TBC1D25: variants seen among roughly 807,000 people sequenced by gnomAD.
The protein encoded by TBC1D25 is TBC1 domain family member 25.
In TBC1D25, 13 loss-of-function variants were observed where a neutral mutation model predicts 38.8. The ratio of observed to expected loss-of-function variants is 0.34; its 90% CI spans 0.22 to 0.53. The LOEUF (loss-of-function observed/expected upper bound fraction) is 0.53, where lower values mean the gene tolerates loss of function less well. Ranked by LOEUF, TBC1D25 falls within the 20% of genes least tolerant of loss-of-function variation. The pLI, the probability that TBC1D25 is intolerant of heterozygous loss-of-function variation, is 0.94. For missense variants in TBC1D25, 372 were observed against 600.0 expected (o/e 0.62, Z 3.97); for synonymous variants, 225 against 255.6 (o/e 0.88, Z 1.14).
intron 3 of TBC1D25, among the ~76,000 whole-genome samples, chrX:48,554,597 G>C (rs1451976920): frequency 9.2e-6 from 1 of 108,414 alleles, no homozygotes; most frequent in African/African-American, 3.3e-5. Flanking sequence ...TTGGTGGGGG[G>C]CCTGTTGTGT....
intron 3 of TBC1D25, among the ~76,000 whole-genome samples, chrX:48,552,880 C>G (rs1206341152): frequency 5.5e-5 from 6 of 109,504 alleles, no homozygotes; most frequent in Non-Finnish European, 1.1e-4. Flanking sequence ...ACCTCCTCTT[C>G]CCAGGTTCAA....
At chrX:48,548,110 G>A (rs1169167614) in intron 3 of TBC1D25, among the ~76,000 whole-genome samples, 5 of 108,792 alleles carry the variant, frequency 4.6e-5, no homozygotes, top group African/African-American at 1.0e-4. Flanking sequence ...TTGGTTTTGA[G>A]GGTTTTTTTT....
chrX:48,541,521 TTTTG>T (rs1569481295), intron 2 of TBC1D25, 79 bp downstream of exon 2: 10 of 942,659 alleles, frequency 1.1e-5, no homozygotes, highest in Non-Finnish European at 1.2e-5. Context: ...TTGGTAGGGT[TTTTG>T]TTTATTTTAC....
At position 48,539,938 on chromosome X, in the gene TBC1D25, T is replaced by A; in HGVS notation, c.123+18T>A. 1.1e-6 allele frequency: 1 copy of A among 945,588 alleles called. No homozygotes were observed. Among genetic ancestry groups the A allele is most frequent in the South Asian group, 5.4e-5 (1 of 18,431 alleles). The allele number at this position is 945,588 out of a possible 1,213,427, so 77.9% of individuals were successfully genotyped here. A position where few individuals can be genotyped will look rare whatever the true frequency, so the allele number is the denominator to read the frequency against. ...GAGTCAAGGTGAGGCTGGCGGTGAG[T>A]CGGCCCAGCCGCCGAGGCATCCCAG... On this transcript the variant is annotated intron_variant, in intron 1 of 5. Coordinates refer to ENST00000376771, the MANE Select transcript of TBC1D25 (RefSeq NM_002536.4).
chrX:48,547,961 C>T (rs782443678), intron 3 of TBC1D25, among the ~76,000 whole-genome samples: 1 of 107,031 alleles, frequency 9.3e-6, no homozygotes, highest in East Asian at 3.0e-4. Context: ...AAAAAGCCCT[C>T]TGTCTTATTT....
At chrX:48,541,573 A>C in intron 2 of TBC1D25, 131 bp downstream of exon 2, 1 of 646,126 alleles carries the variant, frequency 1.5e-6, no homozygotes, top group Admixed American at 2.5e-5. Context: ...CCACGTATGC[A>C]TGTCTTGGAG....
chrX:48,560,538 T>C lies in TBC1D25; in HGVS notation c.1630T>C (p.Leu544=), dbSNP rs782487373. 8 of 1,208,431 alleles carry C rather than the reference T, an allele frequency of 6.6e-6. No individual in the cohort carries two copies. The highest frequency in any genetic ancestry group is 1.8e-5 in the African/African-American group (1 of 57,111). The stretch of plus-strand genomic sequence containing the variant: ...CTCCAAGTCCCTCTCTGAGCCTTTA[T>C]TGAACTCCCCAGACCCACTGCTCTC... ...ISSKSLSEPL[L]NSPDPLLSSF... The change falls in exon 6 of 6, where the codon TTG becomes CTG. Residue 544 remains leucine (L), a synonymous_variant. Coordinates refer to ENST00000376771, the MANE Select transcript of TBC1D25 (RefSeq NM_002536.4).
rs1371252873 is a variant in TBC1D25 at position 48,544,530 on chromosome X, A to T, written c.234-339A>T. Among the ~76,000 whole-genome samples the T allele has an allele frequency of 3.6e-5, 4 of 110,581 alleles. No individual in the cohort carries two copies. The Admixed American group carries it at 3.9e-4, about 11-fold the overall frequency. ...CAGAAGGGGTTTCACCATGTTGACC[A>T]GGCTAGTCTCAAACTCCTGACCTCA... On this transcript the variant is annotated intron_variant, in intron 2 of 5. Coordinates refer to ENST00000376771, the MANE Select transcript of TBC1D25 (RefSeq NM_002536.4).
In TBC1D25 at chrX:48,539,760, C is replaced by T; in HGVS notation, c.-38C>T. The T allele has an allele frequency of 2.1e-6, 2 of 947,551 alleles. No individual in the cohort carries two copies. Among genetic ancestry groups the T allele is most frequent in the Non-Finnish European group, 2.6e-6 (2 of 759,791 alleles). The allele number at this position is 947,551 out of a possible 1,213,427, so 78.1% of individuals were successfully genotyped here. On this transcript the variant is annotated 5_prime_UTR_variant, in exon 1 of 6. Transcript: ENST00000376771. ...GTAGAGTGTGCGCCGGGGTGGGGGG[C>T]AACGGTCAGCCGTCACCCTGAGACG...
chrX:48,553,838 G>A (rs1441214492), intron 3 of TBC1D25, among the ~76,000 whole-genome samples: 1 of 107,993 alleles, frequency 9.3e-6, no homozygotes, highest in African/African-American at 3.4e-5. Flanking sequence ...AGCCCAGGCT[G>A]GTTTTGAACT....
At chrX:48,542,229 C>T (rs1345164887) in intron 2 of TBC1D25, among the ~76,000 whole-genome samples, 21 of 97,169 alleles carry the variant, frequency 2.2e-4, no homozygotes, top group Middle Eastern at 5.2e-3. Context: ...AGTGCAGTGG[C>T]GCAGTCTCAG....
chrX:48,548,844 A>T (rs1400867971), intron 3 of TBC1D25, among the ~76,000 whole-genome samples: 3 of 112,316 alleles, frequency 2.7e-5, no homozygotes, highest in Non-Finnish European at 5.6e-5. Flanking sequence ...TCTACACATT[A>T]ATATGTAAGT....
intron 3 of TBC1D25, among the ~76,000 whole-genome samples, chrX:48,554,068 C>A (rs1351261761): frequency 9.2e-6 from 1 of 108,496 alleles, no homozygotes; most frequent in Non-Finnish European, 1.9e-5. Context: ...GTAGTCCTAG[C>A]TACTTGGGAG....
rs782786341 is a variant in TBC1D25 at position 48,560,015 on chromosome X, C to T, written c.1107C>T (p.Asp369=). 13 of 1,208,964 alleles carry T rather than the reference C, an allele frequency of 1.1e-5. No homozygotes were observed. Among genetic ancestry groups the T allele is most frequent in the South Asian group, 7.1e-5 (4 of 56,628 alleles). Residue 369 remains aspartate (D), a synonymous_variant, in exon 6 of 6, where the codon GAC becomes GAT. Transcript: ENST00000376771. ...MKRLAANFHP[D]GRAMATKFAH... is the part of the protein sequence containing the mutation. ...GCCTGGCCGCCAACTTCCACCCTGA[C>T]GGCCGCGCCATGGCCACCAAGTTTG...
chrX:48,548,543 G>A lies in TBC1D25; in HGVS notation c.388+3520G>A, dbSNP rs372820793. ...TTATTATTCCATTAAAATCCTGACG[G>A]GAATTTGATTGGAGTCATATTTTTA... is the stretch of plus-strand genomic sequence containing the variant. On this transcript the variant is annotated intron_variant, in intron 3 of 5. Transcript: ENST00000376771. Among the ~76,000 whole-genome samples, 5 of 111,182 alleles carry A rather than the reference G, an allele frequency of 4.5e-5. No homozygotes were observed. In the East Asian group the frequency reaches 1.1e-3, roughly 25 times the overall value.
intron 3 of TBC1D25, among the ~76,000 whole-genome samples, chrX:48,552,312 G>A (rs1398923265): frequency 4.8e-5 from 5 of 103,397 alleles, no homozygotes; most frequent in Admixed American, 3.2e-4. Context: ...TCAGCCTCCC[G>A]AGTAGCTGGG....
At chrX:48,558,703 C>G (rs1329737919) in intron 3 of TBC1D25, among the ~76,000 whole-genome samples, 194 bp from the exon 4 acceptor site, 1 of 111,950 alleles carries the variant, frequency 8.9e-6, no homozygotes, top group East Asian at 2.8e-4. Context: ...CCAGCCAGTT[C>G]CTGAGACATC....
rs781922088 is a variant in TBC1D25 at position 48,561,002 on chromosome X, C to A, written c.*27C>A. On this transcript the variant is annotated 3_prime_UTR_variant, in exon 6 of 6. Transcript: ENST00000376771. ...CAGGCTTTCTCAAGCCCTCCATCGG[C>A]CCCACCAGATCTCCATTCTTTGCCA... 1 of 1,158,732 alleles carries A rather than the reference C, an allele frequency of 8.6e-7. No individual in the cohort carries two copies. The highest frequency in any genetic ancestry group is 2.0e-5 in the South Asian group (1 of 50,159).
At chrX:48,546,299 G>A (rs1335992910) in intron 3 of TBC1D25, among the ~76,000 whole-genome samples, 1 of 107,756 alleles carries the variant, frequency 9.3e-6, no homozygotes, top group Non-Finnish European at 1.9e-5. Flanking sequence ...AGATCACAAG[G>A]TCAGGAGATC....
Sources: gnomAD v4.1 joint callset for allele counts (sites outside exome capture counted in the v4.1 genomes callset) on GRCh38, gnomAD v4.1.1 for gene constraint, MANE v1.5 for transcripts, NCBI Gene and HGNC (gene_info 2026-07-23, HGNC 2026-07-21) for gene names.